The following KCNIP4 variants were observed in gnomAD, a reference collection of about 807,000 sequenced individuals.
KCNIP4 encodes Kv channel-interacting protein 4.
KCNIP4 carries 12 observed loss-of-function variants against 34.0 expected under a neutral mutation model. That is an observed-to-expected ratio of 0.35 (90% CI 0.23 to 0.57). KCNIP4 has a LOEUF of 0.57. Among genes scored for constraint, KCNIP4 ranks in the 20% least tolerant of loss-of-function variants. The pLI is 0.83. For synonymous variants in KCNIP4, 124 were observed against 102.2 expected (o/e 1.21, Z -1.29); for missense variants, 238 against 311.7 (o/e 0.76, Z 1.78).
intron 1 of KCNIP4, among the ~76,000 whole-genome samples, chr4:21,017,257 G>A (rs934873222): frequency 1.2e-4 from 19 of 152,154 alleles, no homozygotes; most frequent in Admixed American, 1.2e-3. Flanking sequence ...GTAAATGTGT[G>A]CCTTAGTGGC....
chr4:21,165,533 C>T lies in KCNIP4; in HGVS notation c.62-282824G>A, dbSNP rs575883183. Among the ~76,000 whole-genome samples the T allele has an allele frequency of 1.8e-3, 272 of 148,106 alleles. 2 individuals are homozygous for T. The highest frequency in any genetic ancestry group is 2.4e-3 in the Non-Finnish European group (159 of 67,470). On this transcript the variant is annotated intron_variant, in intron 1 of 8. Transcript: ENST00000382152. ...AAAATTATTTAATTCATACCTCACA[C>T]CATGTACAAAAATTAACTCAAAATG... is the stretch of plus-strand genomic sequence containing the variant.
chr4:20,956,168 A>G (rs948642288), intron 1 of KCNIP4, among the ~76,000 whole-genome samples: 2 of 152,228 alleles, frequency 1.3e-5, no homozygotes, highest in Non-Finnish European at 2.9e-5. Context: ...GTTTACCAGT[A>G]TTCAATTGAA....
chr4:21,591,781 T>A (rs1742242887), intron 1 of KCNIP4, among the ~76,000 whole-genome samples: 1 of 152,002 alleles, frequency 6.6e-6, no homozygotes, highest in Non-Finnish European at 1.5e-5. Context: ...AGCAAGTTAT[T>A]TTAACATCTA....
chr4:21,857,595 A>G (rs1724838987), intron 1 of KCNIP4, among the ~76,000 whole-genome samples: 1 of 152,156 alleles, frequency 6.6e-6, no homozygotes, highest in South Asian at 2.1e-4. Flanking sequence ...TGACAGCTGA[A>G]CACTCGTCAG....
intron 2 of KCNIP4, among the ~76,000 whole-genome samples, chr4:20,858,655 T>A (rs1019586253): frequency 3.3e-5 from 5 of 152,178 alleles, no homozygotes; most frequent in Admixed American, 2.0e-4. Flanking sequence ...AAATGGCTAC[T>A]TAGTAAACAA....
intron 1 of KCNIP4, among the ~76,000 whole-genome samples, chr4:21,168,271 G>T (rs1560777087): frequency 1.3e-5 from 2 of 152,074 alleles, no homozygotes; most frequent in Non-Finnish European, 2.9e-5. Context: ...TATCTCTGGG[G>T]CAATGACCAC....
intron 1 of KCNIP4, among the ~76,000 whole-genome samples, chr4:21,224,234 G>A (rs1758192518): frequency 1.3e-5 from 2 of 151,986 alleles, no homozygotes; most frequent in African/African-American, 4.8e-5. Context: ...ACACTTCTGG[G>A]GACTGGGAAG....
intron 1 of KCNIP4, chr4:21,849,024 CA>C (rs1441304071): frequency 6.6e-6 from 1 of 150,974 alleles, no homozygotes; most frequent in East Asian, 2.0e-4. Context: ...TGGCACATGC[CA>C]AACCTTAGTT....
chr4:21,918,234 C>T (rs1728744874), intron 1 of KCNIP4, among the ~76,000 whole-genome samples: 1 of 152,144 alleles, frequency 6.6e-6, no homozygotes, highest in Non-Finnish European at 1.5e-5. Flanking sequence ...ATAATGGAAA[C>T]ATAACTGTGA....
At chr4:21,070,799 C>T (rs995763207) in intron 1 of KCNIP4, among the ~76,000 whole-genome samples, 1 of 150,168 alleles carries the variant, frequency 6.7e-6, no homozygotes, top group African/African-American at 2.5e-5. Context: ...CCTCAGCCTC[C>T]TGAGTAGCTG....
intron 1 of KCNIP4, among the ~76,000 whole-genome samples, chr4:20,971,096 G>A (rs191397960): frequency 6.6e-6 from 1 of 152,308 alleles, no homozygotes; most frequent in Non-Finnish European, 1.5e-5. Context: ...TCTAGAAGGA[G>A]GAGCATTCAT....
chr4:20,925,694 G>A (rs1014545994), intron 1 of KCNIP4, among the ~76,000 whole-genome samples: 11 of 152,102 alleles, frequency 7.2e-5, no homozygotes, highest in Non-Finnish European at 1.3e-4. Flanking sequence ...CTCTCTTGGG[G>A]TCTGGATTGG....
intron 1 of KCNIP4, among the ~76,000 whole-genome samples, chr4:21,610,409 G>A (rs1262896826): frequency 8.5e-5 from 13 of 152,158 alleles, no homozygotes; most frequent in Non-Finnish European, 2.9e-5. Context: ...GAGGACAGCA[G>A]TGATATTGGC....
chr4:21,569,012 A>G (rs1740140583), intron 1 of KCNIP4, among the ~76,000 whole-genome samples: 1 of 151,984 alleles, frequency 6.6e-6, no homozygotes, highest in South Asian at 2.1e-4. Flanking sequence ...GGCATGGGTA[A>G]GATCACTCTC....
chr4:21,451,517 G>GA (rs1408006241), intron 1 of KCNIP4, among the ~76,000 whole-genome samples: 6 of 152,194 alleles, frequency 3.9e-5, no homozygotes, highest in African/African-American at 1.2e-4. Flanking sequence ...AAATAGAAAT[G>GA]AAAAAATCCC....
At chr4:21,105,313 T>C (rs1406286296) in intron 1 of KCNIP4, among the ~76,000 whole-genome samples, 1 of 151,640 alleles carries the variant, frequency 6.6e-6, no homozygotes, top group Non-Finnish European at 1.5e-5. Context: ...GTCCTTCACG[T>C]CCCTTGTAAG....
At chr4:21,297,682 C>T (rs946733528) in intron 1 of KCNIP4, among the ~76,000 whole-genome samples, 1 of 151,948 alleles carries the variant, frequency 6.6e-6, no homozygotes, top group Admixed American at 6.6e-5. Flanking sequence ...TTCTATGAAA[C>T]CTTGAAAAAT....
chr4:21,048,565 A>G (rs555333563), intron 1 of KCNIP4, among the ~76,000 whole-genome samples: 1 of 152,276 alleles, frequency 6.6e-6, no homozygotes, highest in African/African-American at 2.4e-5. Context: ...ATATGGCTAC[A>G]GATTTTGTTG....
intron 1 of KCNIP4, among the ~76,000 whole-genome samples, chr4:21,479,249 A>G (rs969545140): frequency 6.6e-6 from 1 of 152,208 alleles, no homozygotes; most frequent in African/African-American, 2.4e-5. Flanking sequence ...CTGCTGCTCA[A>G]AAAGAACAAA....
Sources: allele counts gnomAD v4.1 joint callset (sites outside exome capture counted in the v4.1 genomes callset), GRCh38; gene constraint gnomAD v4.1.1; transcripts MANE v1.5; gene names NCBI Gene and HGNC (gene_info 2026-07-23, HGNC 2026-07-21).